The following COL22A1 variants were observed in gnomAD, a reference collection of about 807,000 sequenced individuals.
The protein encoded by COL22A1 is collagen type XXII alpha 1 chain.
A neutral mutation model predicts 248.9 loss-of-function variants in COL22A1; 221 were observed. That is an observed-to-expected ratio of 0.89 (90% CI 0.80 to 0.99). The LOEUF is 0.99. Ranked by LOEUF, COL22A1 falls within the 50% of genes least tolerant of loss-of-function variation. The pLI is 0.00. For missense variants in COL22A1, 2,240 were observed against 2,179.0 expected (o/e 1.03, Z -0.56); for synonymous variants, 891 against 793.4 (o/e 1.12, Z -2.07).
rs1249703678 is a variant in COL22A1, at chr8:138,775,978, A to T, written c.1791T>A (p.Thr597=). ...AGACTATAAATACCTTTTCTCCTCG[A>T]GTTCCCTTTTCACCTCGTTCTCCTT... is the stretch of plus-strand genomic sequence containing the variant. ...GLQGERGEKG[T]RGEKGERGLD... Residue 597 remains threonine (T), a synonymous_variant, in exon 16 of 65, where the codon ACT becomes ACA. Coordinates refer to ENST00000303045, the MANE Select transcript of COL22A1 (RefSeq NM_152888.3). 1.2e-6 allele frequency: 2 copies of T among 1,613,502 alleles called. No individual in the cohort carries two copies. The highest frequency in any genetic ancestry group is 2.2e-5 in the South Asian group (2 of 90,562).
At chr8:138,832,294 C>T (rs1257148468) in intron 5 of COL22A1, among the ~76,000 whole-genome samples, 1 of 152,134 alleles carries the variant, frequency 6.6e-6, no homozygotes, top group Non-Finnish European at 1.5e-5. Context: ...TCTTAATAAA[C>T]TTGCTTTCAC....
chr8:138,781,344 G>T (rs557140615), intron 12 of COL22A1, among the ~76,000 whole-genome samples: 2 of 152,092 alleles, frequency 1.3e-5, no homozygotes, highest in Non-Finnish European at 2.9e-5. Context: ...CTGCAGCGGG[G>T]CTCTCAACCT....
At chr8:138,705,044 A>G (rs1828301973) in intron 30 of COL22A1, among the ~76,000 whole-genome samples, 1 of 152,210 alleles carries the variant, frequency 6.6e-6, no homozygotes, top group Admixed American at 6.5e-5. Flanking sequence ...ATTGAAGATC[A>G]AATGAATGAA....
At chr8:138,845,647 T>C in intron 3 of COL22A1, among the ~76,000 whole-genome samples, 1 of 152,156 alleles carries the variant, frequency 6.6e-6, no homozygotes, top group Non-Finnish European at 1.5e-5. Flanking sequence ...CTGACTACAC[T>C]CCCGCCTACC....
chr8:138,729,478 A>G (rs1288232415), intron 23 of COL22A1, among the ~76,000 whole-genome samples: 3 of 152,182 alleles, frequency 2.0e-5, no homozygotes, highest in Non-Finnish European at 4.4e-5. Flanking sequence ...GATGCTGTAC[A>G]CTTCGGAAAG....
rs186297442 is a variant in COL22A1, at chr8:138,681,673, A to T, written c.3013-1997T>A. Among the ~76,000 whole-genome samples the T allele has an allele frequency of 3.4e-3, 524 of 152,228 alleles. 1 individual carries two copies. Among genetic ancestry groups the T allele is most frequent in the Middle Eastern group, 0.027 (8 of 294 alleles). On this transcript the variant is annotated intron_variant, in intron 39 of 64. Coordinates refer to ENST00000303045, the MANE Select transcript of COL22A1 (RefSeq NM_152888.3). ...CACATCACGGGGGAGCCTGCCACGT[A>T]TCTTCAGATTGGTGGTTAATGCACA...
At chr8:138,906,560 TTAG>T (rs1273012085) in intron 1 of COL22A1, among the ~76,000 whole-genome samples, 1 of 136,494 alleles carries the variant, frequency 7.3e-6, no homozygotes, top group Non-Finnish European at 1.6e-5. Context: ...CAAATTTAAC[TTAG>T]TAAGAGGGAG....
At chr8:138,736,136 TCTC>T (rs1419434283) in intron 23 of COL22A1, among the ~76,000 whole-genome samples, 4 of 151,962 alleles carry the variant, frequency 2.6e-5, no homozygotes, top group Admixed American at 2.0e-4. Flanking sequence ...TCACTGCTCT[TCTC>T]CTCAACCTTC....
intron 8 of COL22A1, 99 bp from the exon 9 acceptor site, chr8:138,812,020 C>T (rs977227205): frequency 5.8e-6 from 8 of 1,370,458 alleles, no homozygotes; most frequent in Non-Finnish European, 7.8e-6. Context: ...ACCAGGCAGC[C>T]AAAGGTTGAG....
chr8:138,689,039 C>G, intron 36 of COL22A1, 69 bp from the exon 37 acceptor site: 2 of 1,291,898 alleles, frequency 1.5e-6, no homozygotes, highest in Non-Finnish European at 2.3e-6. Context: ...GCTCGTGACC[C>G]CCAGGGAAGA....
chr8:138,638,872 T>A (rs559394987), intron 47 of COL22A1, among the ~76,000 whole-genome samples: 473 of 152,204 alleles, frequency 3.1e-3, no homozygotes, highest in African/African-American at 0.01. Context: ...GTTTCAACAC[T>A]CATGTTGCAA....
At chr8:138,698,690 T>C (rs1827719239) in intron 32 of COL22A1, among the ~76,000 whole-genome samples, 1 of 145,098 alleles carries the variant, frequency 6.9e-6, no homozygotes, top group African/African-American at 2.6e-5. Context: ...GCCATGCAGG[T>C]GAGAGAGGTG....
At chr8:138,601,544 GGA>G in intron 60 of COL22A1, among the ~76,000 whole-genome samples, 1 of 152,262 alleles carries the variant, frequency 6.6e-6, no homozygotes, top group East Asian at 1.9e-4. Flanking sequence ...GCCTCCAAAG[GGA>G]GCAGCAGTCG....
At position 138,602,191 on chromosome 8, in the gene COL22A1, C is replaced by T. The variant is rs1263619403; in HGVS notation, c.4141-32G>A. On this transcript the variant is annotated intron_variant, in intron 59 of 64. Coordinates refer to ENST00000303045, the MANE Select transcript of COL22A1 (RefSeq NM_152888.3). The stretch of plus-strand genomic sequence containing the variant: ...GGAGAAAGAAAGGACAGTCATTGCC[C>T]CGGGCCCTCTGCACTGGTGTCCTTG... 3 of 1,612,570 alleles carry T rather than the reference C, an allele frequency of 1.9e-6. No homozygotes were observed. In the Admixed American group the frequency reaches 5.0e-5, roughly 27 times the overall value.
intron 3 of COL22A1, among the ~76,000 whole-genome samples, chr8:138,854,712 C>G (rs1208597164): frequency 2.6e-5 from 4 of 152,162 alleles, no homozygotes; most frequent in Admixed American, 6.5e-5. Context: ...TCTGCCCCAG[C>G]CTTGGCCTCC....
intron 32 of COL22A1, among the ~76,000 whole-genome samples, chr8:138,696,454 G>GGTTGGC (rs74456645): frequency 0.22 from 33,083 of 152,072 alleles, 4,767 homozygotes; most frequent in African/African-American, 0.42. Context: ...GAGAACCTGA[G>GGTTGGC]TAGTTCTAAC....
rs1335914772 is a variant in COL22A1, at chr8:138,762,390, C to G, written c.1857+23G>C. On this transcript the variant is annotated intron_variant, in intron 17 of 64. Transcript: ENST00000303045. ...CTCTGACCGCTGATGAAACCTAGCC[C>G]AACAGCGCCAGCACCCACCTACCTG... is the stretch of plus-strand genomic sequence containing the variant. The G allele has an allele frequency of 1.9e-6, 3 of 1,613,446 alleles. No homozygotes were observed. The South Asian group carries it at 3.3e-5, about 18-fold the overall frequency.
In COL22A1 at chr8:138,780,912, C is replaced by T. The variant is rs142904105; in HGVS notation, c.1650+15G>A. 8.9e-5 allele frequency: 144 copies of T among 1,611,314 alleles called. No homozygotes were observed. The highest frequency in any genetic ancestry group is 4.3e-4 in the African/African-American group (32 of 74,978). Reference sequence around the variant, plus strand: ...GTACTGCCTTGTGAGCCAGGGCAGACGGAACAGAACTTACTCTCATGCCTT... The same window carrying T: ...GTACTGCCTTGTGAGCCAGGGCAGATGGAACAGAACTTACTCTCATGCCTT... On this transcript the variant is annotated intron_variant, in intron 13 of 64. Transcript: ENST00000303045.
intron 5 of COL22A1, among the ~76,000 whole-genome samples, chr8:138,832,597 T>C (rs937186569): frequency 1.3e-5 from 2 of 152,162 alleles, no homozygotes; most frequent in Non-Finnish European, 1.5e-5. Flanking sequence ...TTCAGTAATC[T>C]GTAAAGCCAA....
Sources: allele counts gnomAD v4.1 joint callset (sites outside exome capture counted in the v4.1 genomes callset), GRCh38; gene constraint gnomAD v4.1.1; transcripts MANE v1.5; gene names NCBI Gene and HGNC (gene_info 2026-07-23, HGNC 2026-07-21).